Variants in ZNF487 observed in about 807,000 individuals in gnomAD.
ZNF487 encodes the protein KRAB domain only 1.
Under a neutral mutation model 3.0 loss-of-function variants are expected in ZNF487, and 4 were observed. The ratio of observed to expected loss-of-function variants is 1.35; its 90% CI spans 0.66 to 3.08. The LOEUF (loss-of-function observed/expected upper bound fraction) is 3.08, where lower values mean the gene tolerates loss of function less well. Ranked by LOEUF, ZNF487 falls within the 30% of genes most tolerant of loss-of-function variation. The pLI is 0.01. For synonymous variants in ZNF487, 55 were observed against 34.6 expected, an observed-to-expected ratio of 1.59 and a Z score of -2.06; for missense variants, 146 against 98.7, an observed-to-expected ratio of 1.48 and a Z score of -2.03.
the ZNF487 span, chr10:43,495,872 A>T: frequency 2.7e-6 from 1 of 372,136 alleles, no homozygotes; most frequent in Non-Finnish European, 5.6e-6. Flanking sequence ...ACAGGATATA[A>T]TGCCAAATAA....
downstream of ZNF487, among the ~76,000 whole-genome samples, chr10:43,485,432 A>G (rs941360356): frequency 2.0e-5 from 3 of 152,202 alleles, no homozygotes; most frequent in African/African-American, 7.2e-5. Context: ...GAAAAACCAT[A>G]TTGATTATGA....
chr10:43,492,978 C>T, the ZNF487 span, among the ~76,000 whole-genome samples: 5 of 152,168 alleles, frequency 3.3e-5, no homozygotes, highest in South Asian at 4.1e-4. Flanking sequence ...TGCCTGTAAT[C>T]CCAGCACTTT....
At chr10:43,520,759 A>C in the ZNF487 span, among the ~76,000 whole-genome samples, 1 of 152,238 alleles carries the variant, frequency 6.6e-6, no homozygotes, top group East Asian at 1.9e-4. Flanking sequence ...GAGTAGGCTA[A>C]CATTGAAAGG....
chr10:43,511,863 T>C, the ZNF487 span, among the ~76,000 whole-genome samples: 2 of 152,182 alleles, frequency 1.3e-5, no homozygotes, highest in East Asian at 3.8e-4. Context: ...ACAAATATCT[T>C]CACAGTTTTT....
chr10:43,498,274 A>G, the ZNF487 span, among the ~76,000 whole-genome samples: 1 of 103,078 alleles, frequency 9.7e-6, no homozygotes, highest in Admixed American at 1.0e-4. Context: ...ATATATATAT[A>G]TTTTTTTCTT....
downstream of ZNF487, among the ~76,000 whole-genome samples, chr10:43,487,374 C>G (rs1841479504): frequency 6.6e-6 from 1 of 151,756 alleles, no homozygotes; most frequent in South Asian, 2.1e-4. Flanking sequence ...TTCCTGACCT[C>G]GTGATCTGCC....
chr10:43,475,615 T>A, intron 1 of ZNF487, 106 bp from the exon 2 acceptor site: 1 of 700,000 alleles, frequency 1.4e-6, no homozygotes. Flanking sequence ...TGTAGCATTT[T>A]CTCTTCAACT....
intron 1 of ZNF487, among the ~76,000 whole-genome samples, chr10:43,458,615 C>CA (rs993991651): frequency 1.4e-4 from 22 of 152,140 alleles, no homozygotes; most frequent in Admixed American, 7.9e-4. Context: ...AAACAAAAAA[C>CA]AAAAAACAGT....
At chr10:43,478,647 A>C (rs1419738220) in intron 3 of ZNF487, among the ~76,000 whole-genome samples, 1 of 152,136 alleles carries the variant, frequency 6.6e-6, no homozygotes, top group African/African-American at 2.4e-5. Flanking sequence ...TGAGCCCAGG[A>C]GTTTGAAGCT....
chr10:43,490,189 A>G, the ZNF487 span, among the ~76,000 whole-genome samples: 2 of 152,182 alleles, frequency 1.3e-5, no homozygotes, highest in East Asian at 3.9e-4. Context: ...ATCTCTACTA[A>G]AAATACAAAA....
the ZNF487 span, chr10:43,523,417 CTT>C: frequency 2.6e-5 from 4 of 152,158 alleles, no homozygotes; most frequent in Non-Finnish European, 5.9e-5. Flanking sequence ...ATAAATATGA[CTT>C]ATGTATAATG....
At chr10:43,489,042 C>T in the ZNF487 span, among the ~76,000 whole-genome samples, 1,334 of 152,204 alleles carry the variant, frequency 8.8e-3, 10 homozygotes, top group Admixed American at 0.028. Context: ...CCCAGGAGGT[C>T]AATGGTGTGG....
At chr10:43,514,989 A>T in the ZNF487 span, among the ~76,000 whole-genome samples, 2 of 152,210 alleles carry the variant, frequency 1.3e-5, no homozygotes, top group Admixed American at 1.3e-4. Context: ...CTCACAGTGG[A>T]TCATCTTCTT....
intron 3 of ZNF487, among the ~76,000 whole-genome samples, chr10:43,477,705 A>T (rs1841153206): frequency 6.6e-6 from 1 of 151,626 alleles, no homozygotes; most frequent in African/African-American, 2.4e-5. Flanking sequence ...TAATCCCAGC[A>T]CTTTGGGAGG....
At chr10:43,451,010 C>T (rs541501859) in intron 1 of ZNF487, among the ~76,000 whole-genome samples, 23 of 151,598 alleles carry the variant, frequency 1.5e-4, no homozygotes, top group African/African-American at 5.3e-4. Context: ...TGCAATGGCG[C>T]GATCTTGGCT....
Position 43,461,036 on chromosome 10 carries a change from C to T in ZNF487, c.-93-14685C>T, listed in dbSNP as rs574676555. Among the ~76,000 whole-genome samples the T allele has an allele frequency of 3.0e-4, 45 of 148,676 alleles. No individual in the cohort carries two copies. The South Asian group carries it at 9.3e-3, about 31-fold the overall frequency. ...TTTTTTTTTTTTTGAGACAGAGTTT[C>T]GCTCTCATCGCCCAGGCTGGAGTGC... On this transcript the variant is annotated intron_variant, in intron 1 of 3. Transcript: ENST00000437590.
the ZNF487 span, among the ~76,000 whole-genome samples, chr10:43,500,681 T>G: frequency 1.3e-5 from 2 of 151,564 alleles, no homozygotes; most frequent in African/African-American, 2.4e-5. Context: ...TTTTTTTTTT[T>G]TGTATTTTTG....
At chr10:43,493,709 A>AAAAAAAATAT in the ZNF487 span, among the ~76,000 whole-genome samples, 3 of 43,702 alleles carry the variant, frequency 6.9e-5, no homozygotes, top group African/African-American at 2.6e-4. Flanking sequence ...AAAAAAAAAA[A>AAAAAAAATAT]ATATATATAT....
At chr10:43,504,771 A>G in the ZNF487 span, among the ~76,000 whole-genome samples, 1 of 147,498 alleles carries the variant, frequency 6.8e-6, no homozygotes, top group African/African-American at 2.5e-5. Flanking sequence ...CAGTGGCACG[A>G]TCTTGGCTCC....
Sources: gnomAD v4.1 joint callset for allele counts (sites outside exome capture counted in the v4.1 genomes callset) on GRCh38, gnomAD v4.1.1 for gene constraint, MANE v1.5 for transcripts, NCBI Gene and HGNC (gene_info 2026-07-23, HGNC 2026-07-21) for gene names.